Variants in STARD13 observed in about 807,000 individuals in gnomAD.
STARD13 encodes stAR-related lipid transfer protein 13.
In STARD13, 62 loss-of-function variants were observed where a neutral mutation model predicts 106.4. That is an observed-to-expected ratio of 0.58 (90% CI 0.48 to 0.72). The LOEUF (loss-of-function observed/expected upper bound fraction) is 0.72, where lower values mean the gene tolerates loss of function less well. STARD13 is among the 30% of genes least tolerant of loss of function. The probability of loss-of-function intolerance (pLI) is 0.00; values close to 1 mark genes in which losing one functional copy is unlikely to be tolerated. For missense variants in STARD13, 1,387 were observed against 1,424.0 expected, an observed-to-expected ratio of 0.97 and a Z score of 0.42; for synonymous variants, 565 against 553.0, an observed-to-expected ratio of 1.02 and a Z score of -0.31.
At chr13:33,468,065 G>A in the STARD13 span, among the ~76,000 whole-genome samples, 1 of 152,138 alleles carries the variant, frequency 6.6e-6, no homozygotes, top group Non-Finnish European at 1.5e-5. Flanking sequence ...CTATGTGAAT[G>A]GCTCCCAAAA....
At chr13:33,247,010 A>G (rs1429797885) in intron 1 of STARD13, among the ~76,000 whole-genome samples, 2 of 152,132 alleles carry the variant, frequency 1.3e-5, no homozygotes. Flanking sequence ...CAGCCTGGCC[A>G]ACATGGTGAA....
At chr13:33,462,076 T>G in the STARD13 span, among the ~76,000 whole-genome samples, 1 of 152,222 alleles carries the variant, frequency 6.6e-6, no homozygotes, top group Non-Finnish European at 1.5e-5. Flanking sequence ...TCACAAACCC[T>G]GCACTCCGCC....
intron 8 of STARD13, 84 bp downstream of exon 8, chr13:33,117,981 A>G: frequency 6.3e-7 from 1 of 1,587,714 alleles, no homozygotes; most frequent in South Asian, 1.2e-5. Context: ...TTATTCGTAT[A>G]ATTAAAACTC....
intron 8 of STARD13, among the ~76,000 whole-genome samples, chr13:33,115,997 T>C (rs574716419): frequency 6.6e-6 from 1 of 152,340 alleles, no homozygotes; most frequent in South Asian, 2.1e-4. Flanking sequence ...TGACTGTTCG[T>C]TGGATATTTG....
chr13:33,668,902 G>A, the STARD13 span, among the ~76,000 whole-genome samples: 1 of 152,170 alleles, frequency 6.6e-6, no homozygotes, highest in Non-Finnish European at 1.5e-5. Flanking sequence ...TTCATTGAAT[G>A]GTCCAGCTGT....
the STARD13 span, among the ~76,000 whole-genome samples, chr13:33,492,051 G>C: frequency 3.9e-5 from 6 of 152,150 alleles, no homozygotes; most frequent in Non-Finnish European, 7.4e-5. Context: ...TGGCGGGCAG[G>C]GGTGGGGGTC....
chr13:33,575,906 C>G, the STARD13 span, among the ~76,000 whole-genome samples: 1 of 152,142 alleles, frequency 6.6e-6, no homozygotes, highest in East Asian at 1.9e-4. Flanking sequence ...CCCTCTCCCT[C>G]TATGCCAGAC....
chr13:33,360,857 G>A, the STARD13 span, among the ~76,000 whole-genome samples: 1 of 142,058 alleles, frequency 7.0e-6, no homozygotes, highest in Non-Finnish European at 1.5e-5. Context: ...GTGCAGTGGC[G>A]CAATCTGAGC....
the STARD13 span, among the ~76,000 whole-genome samples, chr13:33,588,177 T>C: frequency 6.6e-6 from 1 of 152,200 alleles, no homozygotes; most frequent in African/African-American, 2.4e-5. Context: ...ATCTCATTCC[T>C]CATTGTGTAA....
At chr13:33,443,795 A>G in the STARD13 span, among the ~76,000 whole-genome samples, 2 of 151,260 alleles carry the variant, frequency 1.3e-5, no homozygotes, top group Non-Finnish European at 2.9e-5. Context: ...GAGGCAGGAG[A>G]ATCATTTGGA....
the STARD13 span, among the ~76,000 whole-genome samples, chr13:33,531,349 G>A: frequency 1.6e-4 from 24 of 152,206 alleles, no homozygotes; most frequent in South Asian, 2.1e-4. Flanking sequence ...AAAAAGTATC[G>A]TTATGAACCA....
the STARD13 span, among the ~76,000 whole-genome samples, chr13:33,643,987 T>G: frequency 1.3e-5 from 2 of 152,356 alleles, no homozygotes; most frequent in East Asian, 3.9e-4. Context: ...CTTTAAAAAT[T>G]GAGGACTCTT....
the STARD13 span, among the ~76,000 whole-genome samples, chr13:33,480,003 G>A: frequency 6.6e-6 from 1 of 152,080 alleles, no homozygotes; most frequent in African/African-American, 2.4e-5. Context: ...CCAATCTCAG[G>A]TATTTCTTTA....
At chr13:33,394,552 A>T in the STARD13 span, among the ~76,000 whole-genome samples, 2 of 152,164 alleles carry the variant, frequency 1.3e-5, no homozygotes, top group Admixed American at 1.3e-4. Context: ...GGACAGTCAC[A>T]TTATCTATGT....
intron 12 of STARD13, among the ~76,000 whole-genome samples, chr13:33,107,329 A>G (rs568365973): frequency 3.3e-4 from 51 of 152,304 alleles, no homozygotes; most frequent in Non-Finnish European, 7.1e-4. Flanking sequence ...GAAGCCACCA[A>G]GGACATAAAG....
intron 1 of STARD13, among the ~76,000 whole-genome samples, chr13:33,304,966 A>G (rs1436873394): frequency 1.3e-5 from 2 of 152,220 alleles, no homozygotes; most frequent in African/African-American, 2.4e-5. Flanking sequence ...TGCTGCAGTT[A>G]AATATTAAGA....
rs939875810 is a variant in STARD13 at position 33,321,639 on chromosome 13, T to A, written c.124+28651A>T. On this transcript the variant is annotated intron_variant, in intron 1 of 5. Coordinates refer to the STARD13 transcript ENST00000567873. ...ATGATTATTAACTCCATTTTATAGA[T>A]GAGAAAACTGAGGTCGAGTGGTGAA... Among the ~76,000 whole-genome samples, 7 of 152,338 alleles carry A rather than the reference T, an allele frequency of 4.6e-5. No individual in the cohort carries two copies. In the South Asian group the frequency reaches 1.5e-3, roughly 32 times the overall value.
At chr13:33,461,059 G>A in the STARD13 span, among the ~76,000 whole-genome samples, 1 of 152,180 alleles carries the variant, frequency 6.6e-6, no homozygotes, top group Non-Finnish European at 1.5e-5. Context: ...TGACAGAAAG[G>A]TGGTCTGTGG....
chr13:33,478,310 T>A, the STARD13 span, among the ~76,000 whole-genome samples: 1 of 152,144 alleles, frequency 6.6e-6, no homozygotes, highest in Non-Finnish European at 1.5e-5. Flanking sequence ...ACCCACGAAG[T>A]CATATTGTTT....
Sources: allele counts gnomAD v4.1 joint callset (sites outside exome capture counted in the v4.1 genomes callset), GRCh38; gene constraint gnomAD v4.1.1; transcripts MANE v1.5; gene names NCBI Gene and HGNC (gene_info 2026-07-23, HGNC 2026-07-21).